Variants in DOP1B observed in about 807,000 individuals in gnomAD.
DOP1B encodes protein DOP1B.
Under a neutral mutation model 233.5 loss-of-function variants are expected in DOP1B, and 174 were observed. That is an observed-to-expected ratio of 0.75 (90% CI 0.66 to 0.85). DOP1B has a LOEUF of 0.85. Ranked by LOEUF, DOP1B falls within the 40% of genes least tolerant of loss-of-function variation. The pLI, the probability that DOP1B is intolerant of heterozygous loss-of-function variation, is 0.00. For synonymous variants in DOP1B, 1,190 were observed against 1,185.6 expected, an observed-to-expected ratio of 1.00 and a Z score of -0.08; for missense variants, 2,652 against 2,846.6, an observed-to-expected ratio of 0.93 and a Z score of 1.56.
rs1569021930 is a variant in DOP1B at position 36,208,699 on chromosome 21, C to G, written c.492-16C>G. The G allele has an allele frequency of 6.2e-7, 1 of 1,610,266 alleles. No individual in the cohort carries two copies. Among genetic ancestry groups the G allele is most frequent in the South Asian group, 1.1e-5 (1 of 90,716 alleles). ...GATGGGGCGAGCCCTTGAACCCTAT[C>G]CTCTCTCATCAACAGAACGGATGCT... On this transcript the variant is annotated splice_polypyrimidine_tract_variant and intron_variant, in intron 4 of 36. Transcript: ENST00000691173.
In DOP1B at chr21:36,245,409, C is replaced by T; in HGVS notation, c.3429C>T (p.Asn1143=). ...TGCAGGAGCTGAGCAACGAAGAGAA[C>T]TGCTGTGCACCCATCCCCATGGGGG... is the stretch of plus-strand genomic sequence containing the variant. ...HDLQELSNEE[N]CCAPIPMGGR... The change falls in exon 19 of 37, where the codon AAC becomes AAT. Residue 1143 remains asparagine, a synonymous_variant. Coordinates refer to ENST00000691173, the MANE Select transcript of DOP1B (RefSeq NM_001320714.2). This position sits in a 1 kb window ranked among gnomAD's most constrained non-coding sequence, Gnocchi z 5.5. 6.2e-7 allele frequency: 1 copy of T among 1,614,106 alleles called. No homozygotes were observed. The highest frequency in any genetic ancestry group is 8.5e-7 in the Non-Finnish European group (1 of 1,180,046).
In DOP1B at chr21:36,293,633, T is replaced by A. The variant is rs2067584094; in HGVS notation, c.*62T>A. 6.5e-7 allele frequency: 1 copy of A among 1,549,498 alleles called. No homozygotes were observed. Among genetic ancestry groups the A allele is most frequent in the Non-Finnish European group, 8.8e-7 (1 of 1,132,894 alleles). ...TACTTTACTGAAAACCAGGTTATAT[T>A]CTAAAGAAGAAAGAAGGCAGGATAG... On this transcript the variant is annotated 3_prime_UTR_variant, in exon 37 of 37. Coordinates refer to ENST00000691173, the MANE Select transcript of DOP1B (RefSeq NM_001320714.2).
chr21:36,277,607 C>T (rs2067367254), intron 28 of DOP1B, among the ~76,000 whole-genome samples: 1 of 150,062 alleles, frequency 6.7e-6, no homozygotes, highest in Admixed American at 6.7e-5. Flanking sequence ...TTGTTGCTCG[C>T]TTCCAAGGGT....
chr21:36,293,533 T>G lies in DOP1B; in HGVS notation c.6859T>G (p.Cys2287Gly). 6.2e-7 allele frequency: 1 copy of G among 1,614,146 alleles called. No homozygotes were observed. The highest frequency in any genetic ancestry group is 1.1e-5 in the South Asian group (1 of 91,084). ...AAGGATCTTAAAACAACTGGAAGAA[T>G]GCATCGAATATGATTTTCTGGAACA... ...SPRILKQLEE[C>G]IEYDFLEHPE... The change falls in exon 37 of 37, where the codon TGC becomes GGC. Residue 2287 changes from cysteine (C) to glycine (G), a missense_variant. Around this residue, in one of 3 missense-constraint regions of DOP1B, gnomAD observed 31 missense variants for 34.2 expected, o/e 0.91. Transcript: ENST00000691173.
rs752105308 is a variant in DOP1B, at chr21:36,293,360, TC to T, written c.6689del (p.Pro2230ArgfsTer14). The stretch of plus-strand genomic sequence containing the variant: ...GATGAGATCACCATGAAGAGTGAAT[TC>T]CCGCTTCTGCGCCAACATTCTGTTT... ...SSDEITMKSE[F>X]PLLRQHSVSS... On this transcript the variant is annotated frameshift_variant, in exon 37 of 37. Transcript: ENST00000691173. LOFTEE classifies it low-confidence loss of function (END_TRUNC). 2.5e-6 allele frequency: 4 copies of T among 1,614,046 alleles called. No individual in the cohort carries two copies. Among genetic ancestry groups the T allele is most frequent in the Non-Finnish European group, 2.5e-6 (3 of 1,180,052 alleles).
intron 2 of DOP1B, among the ~76,000 whole-genome samples, chr21:36,184,615 C>T (rs865869765): frequency 2.0e-5 from 3 of 152,196 alleles, no homozygotes; most frequent in South Asian, 4.1e-4. Flanking sequence ...GGAGGAAGAC[C>T]GCAGACTGGA....
At chr21:36,192,347 A>G (rs1308037897) in intron 2 of DOP1B, among the ~76,000 whole-genome samples, 5 of 148,778 alleles carry the variant, frequency 3.4e-5, no homozygotes, top group Admixed American at 6.7e-5. Context: ...TGACAGGGCA[A>G]GACACTGTCA....
chr21:36,238,769 G>C, intron 17 of DOP1B, 68 bp downstream of exon 17: 1 of 1,474,262 alleles, frequency 6.8e-7, no homozygotes, highest in South Asian at 1.1e-5. Flanking sequence ...CCTGCCCAAC[G>C]TGTGGGGCTG....
At chr21:36,192,083 G>A (rs2066240138) in intron 2 of DOP1B, among the ~76,000 whole-genome samples, 1 of 152,054 alleles carries the variant, frequency 6.6e-6, no homozygotes, top group Admixed American at 6.6e-5. Flanking sequence ...TCTTGGCTGG[G>A]CATGGTGGCT....
At position 36,211,981 on chromosome 21, in the gene DOP1B, A is replaced by G. The variant is rs149293687; in HGVS notation, c.788A>G (p.Asn263Ser). 171 of 1,613,824 alleles carry G rather than the reference A, an allele frequency of 1.1e-4. No individual in the cohort carries two copies. Among genetic ancestry groups the G allele is most frequent in the Middle Eastern group, 1.6e-4 (1 of 6,084 alleles). ...TCTCTGTCCTTCTAATAGGATTCCA[A>G]TGAGAGAGCCATCCCCCTCCTCAGA... ...FFPFYTCLDS[N>S]ERAIPLLRSD... Residue 263 changes from asparagine (N) to serine (S), a missense_variant, in exon 7 of 37, where the codon AAT becomes AGT. This residue lies in a region of DOP1B where 2,617 missense variants were observed against 2,794.3 expected (regional missense o/e 0.94). Transcript: ENST00000691173.
intron 18 of DOP1B, 69 bp from the exon 19 acceptor site, chr21:36,244,979 C>A: frequency 6.8e-7 from 1 of 1,465,806 alleles, no homozygotes; most frequent in Non-Finnish European, 9.2e-7. Flanking sequence ...AAGACAAAGA[C>A]CGCCCTACAG....
intron 32 of DOP1B, among the ~76,000 whole-genome samples, chr21:36,284,091 G>T (rs1480061652): frequency 6.6e-6 from 1 of 150,580 alleles, no homozygotes; most frequent in African/African-American, 2.4e-5. Flanking sequence ...GAGATTACAG[G>T]CACCAGCCAC....
Position 36,231,275 on chromosome 21 carries a change from G to A in DOP1B, c.2350+141G>A, listed in dbSNP as rs1215227369. On this transcript the variant is annotated intron_variant, in intron 14 of 36. Coordinates refer to ENST00000691173, the MANE Select transcript of DOP1B (RefSeq NM_001320714.2). ...CTTTTTTCAGATTTTTGGAATATTT[G>A]CCTTACACTTACCGATTCAGCATTC... is the stretch of plus-strand genomic sequence containing the variant. 1.1e-5 allele frequency: 12 copies of A among 1,114,430 alleles called. No individual in the cohort carries two copies. In the South Asian group the frequency reaches 1.3e-4, roughly 12 times the overall value. The allele number at this position is 1,114,430 out of a possible 1,614,324, so 69.0% of individuals were successfully genotyped here.
intron 4 of DOP1B, among the ~76,000 whole-genome samples, chr21:36,200,897 TG>T (rs1341948549): frequency 1.3e-5 from 2 of 150,834 alleles, no homozygotes; most frequent in East Asian, 3.9e-4. Flanking sequence ...CAGCAGTAGG[TG>T]TGGAGGTCGG....
chr21:36,293,280 G>A (rs2067579760), intron 36 of DOP1B, 40 bp from the exon 37 acceptor site: 1 of 1,600,188 alleles, frequency 6.2e-7, no homozygotes, highest in Middle Eastern at 1.7e-4. Context: ...CGAGCCCTCA[G>A]TAAAACCATA....
At chr21:36,168,276 A>G (rs1179546460) in intron 2 of DOP1B, among the ~76,000 whole-genome samples, 2 of 151,972 alleles carry the variant, frequency 1.3e-5, no homozygotes, top group Admixed American at 6.6e-5. Context: ...CAGTTGATGG[A>G]CATTTAGATT....
chr21:36,199,040 C>T lies in DOP1B; in HGVS notation c.139-30C>T, dbSNP rs372889100. ...CATTGTAAATATCGCTGCCTTCTTC[C>T]TCATGTGTTTTTTTTGTCTTGTTTG... On this transcript the variant is annotated intron_variant, in intron 2 of 36. Coordinates refer to ENST00000691173, the MANE Select transcript of DOP1B (RefSeq NM_001320714.2). The T allele has an allele frequency of 3.8e-6, 6 of 1,599,636 alleles. No homozygotes were observed. The African/African-American group carries it at 5.4e-5, about 14-fold the overall frequency.
At position 36,164,887 on chromosome 21, in the gene DOP1B, C is replaced by T; in HGVS notation, c.138+16C>T. Reference sequence around the variant, plus strand: ...ACTCAACAAGGTATGTAGGGTGTATCCTATTTGGATTGCATGGAGGTGGGG... The same window carrying T: ...ACTCAACAAGGTATGTAGGGTGTATTCTATTTGGATTGCATGGAGGTGGGG... On this transcript the variant is annotated intron_variant, in intron 2 of 36. Transcript: ENST00000691173. The T allele has an allele frequency of 6.5e-7, 1 of 1,534,912 alleles. No individual in the cohort carries two copies. The highest frequency in any genetic ancestry group is 1.3e-5 in the South Asian group (1 of 75,840).
intron 4 of DOP1B, 95 bp downstream of exon 4, chr21:36,200,596 C>A: frequency 2.8e-6 from 4 of 1,439,368 alleles, no homozygotes; most frequent in Non-Finnish European, 3.7e-6. Flanking sequence ...GTAATCCCAG[C>A]ACTTTGGAAG....
Sources: gnomAD v4.1 joint callset for allele counts (sites outside exome capture counted in the v4.1 genomes callset) on GRCh38, gnomAD v4.1.1 for gene constraint, gnomAD v4.1.1 regional missense constraint, Gnocchi (gnomAD v3.1) non-coding constraint, MANE v1.5 for transcripts, NCBI Gene and HGNC (gene_info 2026-07-23, HGNC 2026-07-21) for gene names.